The following FGL1 variants were observed in gnomAD, a reference collection of about 807,000 sequenced individuals.
The protein encoded by FGL1 is fibrinogen-like protein 1.
Under a neutral mutation model 43.7 loss-of-function variants are expected in FGL1, and 59 were observed. That is an observed-to-expected ratio of 1.35 (90% CI 1.10 to 1.68). The LOEUF (loss-of-function observed/expected upper bound fraction) is 1.68, where lower values mean the gene tolerates loss of function less well. Ranked by LOEUF, FGL1 falls within the 40% of genes most tolerant of loss-of-function variation. The pLI, the probability that FGL1 is intolerant of heterozygous loss-of-function variation, is 0.00. For missense variants in FGL1, 596 were observed against 373.0 expected (o/e 1.60, Z -4.92); for synonymous variants, 192 against 126.5 (o/e 1.52, Z -3.48).
rs773813412 is a variant in FGL1 at position 17,867,946 on chromosome 8, T to C, written c.779+602A>G. ...TTAGCCCATGTACCCCAGAAATATA[T>C]AAAATATTTTGTATCAGTAAAAAAA... On this transcript the variant is annotated intron_variant, in intron 7 of 7. Transcript: ENST00000427924. Among the ~76,000 whole-genome samples, 69 of 152,172 alleles carry C rather than the reference T, an allele frequency of 4.5e-4. 2 individuals are homozygous for C. The highest frequency in any genetic ancestry group is 2.1e-3 in the Admixed American group (32 of 15,272).
chr8:17,884,487 A>T (rs35276838), intron 2 of FGL1, among the ~76,000 whole-genome samples: 2 of 151,950 alleles, frequency 1.3e-5, no homozygotes, highest in Non-Finnish European at 2.9e-5. Flanking sequence ...GAGCCACTGC[A>T]CCAGGCCTCT....
At chr8:17,869,180 G>A (rs908541932) in intron 5 of FGL1, among the ~76,000 whole-genome samples, 176 bp from the exon 6 acceptor site, 8 of 151,798 alleles carry the variant, frequency 5.3e-5, no homozygotes, top group Non-Finnish European at 1.5e-5. Context: ...ATTTTATCGT[G>A]TAATTTATTT....
intron 2 of FGL1, among the ~76,000 whole-genome samples, 196 bp downstream of exon 2, chr8:17,885,296 G>A (rs934508556): frequency 1.3e-5 from 2 of 151,950 alleles, no homozygotes; most frequent in Non-Finnish European, 2.9e-5. Flanking sequence ...ACCCATCTCG[G>A]CCTCCCCTGC....
Position 17,882,004 on chromosome 8 carries a change from T to C in FGL1, c.239A>G (p.Tyr80Cys). 6.2e-7 allele frequency: 1 copy of C among 1,613,856 alleles called. No homozygotes were observed. The highest frequency in any genetic ancestry group is 8.5e-7 in the Non-Finnish European group (1 of 1,179,862). The change falls in exon 3 of 8, where the codon TAT becomes TGT. Residue 80 changes from tyrosine (Y) to cysteine (C), a missense_variant. Tyr to Cys is a radical substitution (Grantham distance 194). Transcript: ENST00000427924. ...TAAGAAAAGTCCATTCTGACCTGCA[T>C]ACTGCCTCTTGCTTCCAAGATCAAT... ...TVIDLGSKRQ[Y>C]ADCSEIFNDG...
At position 17,868,121 on chromosome 8, in the gene FGL1, C is replaced by T. The variant is rs35486143; in HGVS notation, c.779+427G>A. The stretch of plus-strand genomic sequence containing the variant: ...TTAGACTCAATGAATTAATGAAAGC[C>T]ATAGTGATTGAAAAGTAGTACTATA... On this transcript the variant is annotated intron_variant, in intron 7 of 7. Coordinates refer to ENST00000427924, the MANE Select transcript of FGL1 (RefSeq NM_004467.4). Among the ~76,000 whole-genome samples, 544 of 152,190 alleles carry T rather than the reference C, an allele frequency of 3.6e-3. 2 individuals are homozygous for T. Among genetic ancestry groups the T allele is most frequent in the African/African-American group, 0.012 (503 of 41,508 alleles).
chr8:17,892,842 A>G (rs1444267178), intron 1 of FGL1, among the ~76,000 whole-genome samples: 2 of 152,308 alleles, frequency 1.3e-5, no homozygotes, highest in South Asian at 2.1e-4. Flanking sequence ...TTATTTGATT[A>G]AAGTTTTCTT....
At chr8:17,883,817 C>G (rs556644511) in intron 2 of FGL1, among the ~76,000 whole-genome samples, 2,956 of 139,294 alleles carry the variant, frequency 0.021, 58 homozygotes, top group South Asian at 0.044. Context: ...CTTTCCCTTC[C>G]TCTTCCCTTA....
At chr8:17,873,178 TA>T (rs943574018) in intron 5 of FGL1, among the ~76,000 whole-genome samples, 73 of 152,128 alleles carry the variant, frequency 4.8e-4, no homozygotes, top group African/African-American at 1.6e-3. Context: ...TACTTCCTTT[TA>T]AAAAAAAGTC....
At chr8:17,888,814 TAAC>T (rs2053664687) in intron 1 of FGL1, among the ~76,000 whole-genome samples, 1 of 152,118 alleles carries the variant, frequency 6.6e-6, no homozygotes, top group Non-Finnish European at 1.5e-5. Flanking sequence ...AAATAAACAA[TAAC>T]AATAAACTAG....
rs775823806 is a variant in FGL1, at chr8:17,874,518, C to G, written c.248G>C (p.Cys83Ser). Reference protein sequence around the residue: ...DLGSKRQYADCSEIFNDGYKL... With the variant: ...DLGSKRQYADSSEIFNDGYKL... Reference sequence around the variant, plus strand: ...ATACCCATCATTGAAAATCTCTGAACAATCTGTTTTTAAAACAAGGTAATG... The same window carrying G: ...ATACCCATCATTGAAAATCTCTGAAGAATCTGTTTTTAAAACAAGGTAATG... Residue 83 changes from cysteine (C) to serine (S), a missense_variant, in exon 4 of 8, where the codon TGT becomes TCT. Physicochemically the swap from Cys to Ser is moderately radical, Grantham distance 112. Coordinates refer to ENST00000427924, the MANE Select transcript of FGL1 (RefSeq NM_004467.4). 2 of 1,602,680 alleles carry G rather than the reference C, an allele frequency of 1.2e-6. No homozygotes were observed. The highest frequency in any genetic ancestry group is 2.7e-5 in the African/African-American group (2 of 74,392).
chr8:17,874,054 A>G lies in FGL1; in HGVS notation c.467T>C (p.Leu156Pro), dbSNP rs754841694. 8 of 1,611,652 alleles carry G rather than the reference A, an allele frequency of 5.0e-6. No individual in the cohort carries two copies. The South Asian group carries it at 8.8e-5, about 18-fold the overall frequency. ...NFVQKHGEYW[L>P]GNKNLHFLTT... ...CAAGAAGTGAAGATTTTTATTGCCC[A>G]GCCAATATTCACCATGTTTTTGGAC... The change falls in exon 5 of 8, where the codon CTG becomes CCG. Residue 156 changes from leucine to proline, a missense_variant. Physicochemically the swap from Leu to Pro is moderately conservative, Grantham distance 98. Transcript: ENST00000427924.
intron 3 of FGL1, among the ~76,000 whole-genome samples, chr8:17,876,837 T>C (rs1383134660): frequency 6.6e-6 from 1 of 152,228 alleles, no homozygotes; most frequent in East Asian, 1.9e-4. Flanking sequence ...CAAAATTTTC[T>C]ACTTGTTATT....
chr8:17,875,529 T>TCTC lies in FGL1; in HGVS notation c.245-1009_245-1008insGAG, dbSNP rs1563452308. ...TTTCTTTCTTTCTTTCTTTCTTTCTTTCTTTCTCTTTCTTTCTTTCTTTCT... is the reference window on the plus strand; with the variant it reads ...TTTCTTTCTTTCTTTCTTTCTTTCTTCTCTCTTTCTCTTTCTTTCTTTCTTTCT... On this transcript the variant is annotated intron_variant, in intron 3 of 7. Coordinates refer to ENST00000427924, the MANE Select transcript of FGL1 (RefSeq NM_004467.4). Among the ~76,000 whole-genome samples, 21 of 11,712 alleles carry TCTC rather than the reference T, an allele frequency of 1.8e-3. 3 individuals carry two copies. The highest frequency in any genetic ancestry group is 5.8e-3 in the African/African-American group (21 of 3,598). 7.7% of individuals were successfully genotyped at this position (11,712 alleles called of 152,430 possible). A position where few individuals can be genotyped will look rare whatever the true frequency, so the allele number is the denominator to read the frequency against.
intron 7 of FGL1, among the ~76,000 whole-genome samples, chr8:17,867,070 TG>T (rs2053279553): frequency 6.6e-6 from 1 of 152,188 alleles, no homozygotes; most frequent in Non-Finnish European, 1.5e-5. Flanking sequence ...TGGACTCAAA[TG>T]TTTTTTTAAA....
chr8:17,882,003 A>G lies in FGL1; in HGVS notation c.240T>C (p.Tyr80=), dbSNP rs2131726445. Residue 80 remains tyrosine, a synonymous_variant, in exon 3 of 8, where the codon TAT becomes TAC. Transcript: ENST00000427924. ...TVIDLGSKRQ[Y]ADCSEIFNDG... ...TTAAGAAAAGTCCATTCTGACCTGC[A>G]TACTGCCTCTTGCTTCCAAGATCAA... 1 of 1,613,826 alleles carries G rather than the reference A, an allele frequency of 6.2e-7. No individual in the cohort carries two copies. The highest frequency in any genetic ancestry group is 1.3e-5 in the African/African-American group (1 of 75,048).
chr8:17,865,452 A>G (rs940025753), intron 7 of FGL1, among the ~76,000 whole-genome samples: 2 of 152,168 alleles, frequency 1.3e-5, no homozygotes, highest in Non-Finnish European at 2.9e-5. Context: ...TTGCTAGCCT[A>G]TCAGTTATTT....
chr8:17,877,782 G>A (rs190675833), intron 3 of FGL1, among the ~76,000 whole-genome samples: 1 of 152,026 alleles, frequency 6.6e-6, no homozygotes, highest in Non-Finnish European at 1.5e-5. Context: ...ATCCAATTTT[G>A]CTCTCTTTGT....
intron 5 of FGL1, among the ~76,000 whole-genome samples, chr8:17,871,355 G>A (rs910937597): frequency 2.6e-5 from 4 of 151,728 alleles, no homozygotes; most frequent in Admixed American, 6.6e-5. Context: ...TTAGCTGGGT[G>A]TGGTGGTGTG....
In FGL1 at chr8:17,882,029, T is replaced by C. The variant is rs3739406; in HGVS notation, c.214A>G (p.Ile72Val). 1,014,982 of 1,613,016 alleles carry C rather than the reference T, an allele frequency of 0.63. 331,457 individuals carry two copies. Among genetic ancestry groups the C allele is most frequent in the Non-Finnish European group, 0.69 (808,920 of 1,179,528 alleles). ...FLDKGDENTV[I>V]DLGSKRQYAD... Reference sequence around the variant, plus strand: ...TACTGCCTCTTGCTTCCAAGATCAATGACAGTATTCTCATCTCCTTTATCA... The same window carrying C: ...TACTGCCTCTTGCTTCCAAGATCAACGACAGTATTCTCATCTCCTTTATCA... Residue 72 changes from isoleucine (I) to valine (V), a missense_variant, in exon 3 of 8, where the codon ATT (isoleucine) becomes GTT (valine). Ile to Val is a conservative substitution (Grantham distance 29). Coordinates refer to ENST00000427924, the MANE Select transcript of FGL1 (RefSeq NM_004467.4).
Sources: gnomAD v4.1 joint callset for allele counts (sites outside exome capture counted in the v4.1 genomes callset) on GRCh38, gnomAD v4.1.1 for gene constraint, MANE v1.5 for transcripts, NCBI Gene and HGNC (gene_info 2026-07-23, HGNC 2026-07-21) for gene names.